LARP6: variants seen among roughly 807,000 people sequenced by gnomAD.
LARP6 encodes La ribonucleoprotein 6, translational regulator.
In LARP6, 18 loss-of-function variants were observed where a neutral mutation model predicts 32.8. That is an observed-to-expected ratio of 0.55 (90% confidence interval 0.38 to 0.81). The LOEUF is 0.81. Ranked by LOEUF, LARP6 falls within the 40% of genes least tolerant of loss-of-function variation. LARP6 has a pLI of 0.00. For synonymous variants in LARP6, 289 were observed against 267.2 expected (o/e 1.08, Z -0.80); for missense variants, 598 against 663.1 (o/e 0.90, Z 1.08).
rs906880550 is a variant in LARP6 at position 70,830,354 on chromosome 15, T to A, written c.*1698A>T. ...AGCTGCATGTGTGATACTGGCATAA[T>A]AATTCCTTATGATGGACACTGAGAG... On this transcript the variant is annotated 3_prime_UTR_variant, in exon 3 of 3. Transcript: ENST00000299213. The A allele has an allele frequency of 2.0e-5, 3 of 152,374 alleles. No homozygotes were observed. The highest frequency in any genetic ancestry group is 2.0e-4 in the Admixed American group (3 of 15,306). The allele number at this position is 152,374 out of a possible 1,614,324, so 9.4% of individuals were successfully genotyped here.
intron 1 of LARP6, among the ~76,000 whole-genome samples, chr15:70,837,672 T>A (rs1000429168): frequency 6.6e-6 from 1 of 152,034 alleles, no homozygotes; most frequent in African/African-American, 2.4e-5. Context: ...CTCTCAGGAG[T>A]CACTGCAGTG....
At chr15:70,843,894 A>C (rs910867170) in intron 1 of LARP6, among the ~76,000 whole-genome samples, 8 of 150,042 alleles carry the variant, frequency 5.3e-5, no homozygotes, top group African/African-American at 2.0e-4. Context: ...GAGCTCAGGC[A>C]ATCTGCCCAC....
At chr15:70,849,868 C>G (rs2032417315) in intron 1 of LARP6, 1 of 152,012 alleles carries the variant, frequency 6.6e-6, no homozygotes, top group Admixed American at 6.6e-5. Context: ...AATAATTAAG[C>G]ATTTTTTTGC....
intron 1 of LARP6, among the ~76,000 whole-genome samples, chr15:70,837,778 A>T (rs1261032325): frequency 6.6e-6 from 1 of 152,142 alleles, no homozygotes. Flanking sequence ...GTAATTTCCT[A>T]GGGCTGCCAG....
chr15:70,851,701 A>T, intron 1 of LARP6: 1 of 1,614,184 alleles, frequency 6.2e-7, no homozygotes, highest in Middle Eastern at 1.6e-4. Flanking sequence ...ATGGTCCTTG[A>T]ATTCACCGAG....
rs528594403 is a variant in LARP6, at chr15:70,831,309, G to C, written c.*743C>G. ...AAGGAGAGCCCTGGGGCTGCCCTGG[G>C]GTACAGTGAGAAACCCTAAATGCCC... is the stretch of plus-strand genomic sequence containing the variant. On this transcript the variant is annotated 3_prime_UTR_variant, in exon 3 of 3. Transcript: ENST00000299213. 2 of 152,116 alleles carry C rather than the reference G, an allele frequency of 1.3e-5. No homozygotes were observed. The highest frequency in any genetic ancestry group is 4.2e-4 in the South Asian group (2 of 4,812). 9.4% of individuals were successfully genotyped at this position (152,116 alleles called of 1,614,324 possible). A position where few individuals can be genotyped will look rare whatever the true frequency, so the allele number is the denominator to read the frequency against.
chr15:70,851,798 G>C (rs1385312631), intron 1 of LARP6: 15 of 1,593,874 alleles, frequency 9.4e-6, no homozygotes, highest in African/African-American at 1.3e-5. Context: ...TACAGCAACA[G>C]AGAAGAAAGG....
intron 1 of LARP6, among the ~76,000 whole-genome samples, chr15:70,847,371 ATT>A (rs893881453): frequency 2.8e-5 from 4 of 145,122 alleles, no homozygotes; most frequent in East Asian, 2.0e-4. Flanking sequence ...TCAGTGCTGA[ATT>A]TTTTTTTTTT....
chr15:70,841,053 A>C (rs973671397), intron 1 of LARP6, among the ~76,000 whole-genome samples: 1 of 151,834 alleles, frequency 6.6e-6, no homozygotes, highest in Non-Finnish European at 1.5e-5. Context: ...AGCTGGGATT[A>C]CAGGCGCCCG....
In LARP6 at chr15:70,839,499, T is replaced by A. The variant is rs538398346; in HGVS notation, c.201-2994A>T. On this transcript the variant is annotated intron_variant, in intron 1 of 2. Transcript: ENST00000299213. ...AGGGAGACTCAATTTTAAAGTTTTT[T>A]AAGTCTTGTTAAAATGGGATGATAA... is the stretch of plus-strand genomic sequence containing the variant. Among the ~76,000 whole-genome samples the A allele has an allele frequency of 1.1e-4, 17 of 152,224 alleles. No individual in the cohort carries two copies. In the East Asian group the frequency reaches 1.7e-3, roughly 16 times the overall value.
chr15:70,832,752 G>C lies in LARP6; in HGVS notation c.776C>G (p.Ala259Gly), dbSNP rs1482884805. Residue 259 changes from alanine (A) to glycine (G), a missense_variant, in exon 3 of 3, where the codon GCC (alanine) becomes GGC (glycine). Coordinates refer to ENST00000299213, the MANE Select transcript of LARP6 (RefSeq NM_018357.4). ...TTCCACCTCCTCGAACTCCACGATG[G>C]CGCACTCCTGGGTCCCCACTTGGCT... ...RYSQVGTQEC[A>G]IVEFEEVEAA... 1.3e-6 allele frequency: 2 copies of C among 1,598,768 alleles called. No individual in the cohort carries two copies. Among genetic ancestry groups the C allele is most frequent in the South Asian group, 2.3e-5 (2 of 88,038 alleles).
Position 70,853,967 on chromosome 15 carries a change from C to A in LARP6, c.122G>T (p.Arg41Leu). The change falls in exon 1 of 3, where the codon CGG (arginine) becomes CTG (leucine). Residue 41 changes from arginine to leucine, a missense_variant. Transcript: ENST00000299213. The stretch of plus-strand genomic sequence containing the variant: ...GTACCGGGCCGGGTCCCCGGCGCCC[C>A]GAGTCTCCGCCCCCTCCTCCTCGTC... The part of the protein sequence containing the change: ...LEDEEEGAET[R>L]GAGDPARYLS... The A allele has an allele frequency of 6.9e-7, 1 of 1,458,314 alleles. No individual in the cohort carries two copies. Among genetic ancestry groups the A allele is most frequent in the East Asian group, 3.1e-5 (1 of 32,648 alleles). 90.3% of individuals were successfully genotyped at this position (1,458,314 alleles called of 1,614,324 possible). A position where few individuals can be genotyped will look rare whatever the true frequency, so the allele number is the denominator to read the frequency against.
At position 70,832,233 on chromosome 15, in the gene LARP6, C is replaced by A. The variant is rs2032057118; in HGVS notation, c.1295G>T (p.Trp432Leu). Residue 432 changes from tryptophan (W) to leucine (L), a missense_variant, in exon 3 of 3, where the codon TGG becomes TTG. Trp to Leu is a moderately conservative substitution (Grantham distance 61, BLOSUM62 -2). This residue lies in a region of LARP6 where 368 missense variants were observed against 397.9 expected (regional missense o/e 0.92). Transcript: ENST00000299213. ...DSSVTPSGSP[W>L]VRRRRQAEMG... ...CTCGGCTTGGCGACGCCTCCGGACC[C>A]AGGGGCTGCCAGAGGGAGTGACGCT... 1 of 1,614,170 alleles carries A rather than the reference C, an allele frequency of 6.2e-7. No individual in the cohort carries two copies. The highest frequency in any genetic ancestry group is 2.2e-5 in the East Asian group (1 of 44,864).
Position 70,831,379 on chromosome 15 carries a change from T to C in LARP6, c.*673A>G, listed in dbSNP as rs918907860. ...TATAAACATGTAACAAAGTTTCTCA[T>C]GTAGCCCATAAATGTGTACAAATAA... On this transcript the variant is annotated 3_prime_UTR_variant, in exon 3 of 3. Coordinates refer to ENST00000299213, the MANE Select transcript of LARP6 (RefSeq NM_018357.4). 4 of 152,246 alleles carry C rather than the reference T, an allele frequency of 2.6e-5. No homozygotes were observed. The highest frequency in any genetic ancestry group is 9.6e-5 in the African/African-American group (4 of 41,476). 9.4% of individuals were successfully genotyped at this position (152,246 alleles called of 1,614,324 possible).
At chr15:70,841,538 G>A (rs2032258729) in intron 1 of LARP6, among the ~76,000 whole-genome samples, 1 of 152,178 alleles carries the variant, frequency 6.6e-6, no homozygotes, top group Admixed American at 6.5e-5. Flanking sequence ...AATCCCCAGT[G>A]TTGGAGGTGG....
rs761131976 is a variant in LARP6, at chr15:70,832,881, T to C, written c.647A>G (p.His216Arg). The change falls in exon 3 of 3, where the codon CAC (histidine) becomes CGC (arginine). Residue 216 changes from histidine (H) to arginine (R), a missense_variant. Physicochemically the swap from His to Arg is conservative, Grantham distance 29. Around this residue, in one of 3 missense-constraint regions of LARP6, gnomAD observed 368 missense variants for 397.9 expected, o/e 0.92. Coordinates refer to ENST00000299213, the MANE Select transcript of LARP6 (RefSeq NM_018357.4). Reference protein sequence around the residue: ...NGRVQEKVMEHLLKLFGTFGV... With the variant: ...NGRVQEKVMERLLKLFGTFGV... ...AAAAGTCCCAAAAAGCTTGAGCAGG[T>C]GTTCCATCACCTTCTCTTGCACCCT... 2.2e-5 allele frequency: 36 copies of C among 1,609,224 alleles called. No homozygotes were observed. The highest frequency in any genetic ancestry group is 1.7e-4 in the Middle Eastern group (1 of 6,044).
rs1386702649 is a variant in LARP6, at chr15:70,831,554, G to A, written c.*498C>T. 2.0e-5 allele frequency: 3 copies of A among 152,194 alleles called. No homozygotes were observed. Among genetic ancestry groups the A allele is most frequent in the African/African-American group, 7.2e-5 (3 of 41,420 alleles). The allele number at this position is 152,194 out of a possible 1,614,324, so 9.4% of individuals were successfully genotyped here. Reference sequence around the variant, plus strand: ...CCTCAAAGTCAGCACTCCCAGTTGGGTGTTTTATTATTTATTTACTTGACA... The same window carrying A: ...CCTCAAAGTCAGCACTCCCAGTTGGATGTTTTATTATTTATTTACTTGACA... On this transcript the variant is annotated 3_prime_UTR_variant, in exon 3 of 3. Transcript: ENST00000299213.
chr15:70,852,405 T>C (rs1050319428), intron 1 of LARP6: 18 of 364,744 alleles, frequency 4.9e-5, no homozygotes, highest in African/African-American at 3.0e-4. Flanking sequence ...TAGACCTCCA[T>C]AGGGGATCTT....
chr15:70,851,049 T>C (rs74957043), intron 1 of LARP6, among the ~76,000 whole-genome samples: 6 of 152,144 alleles, frequency 3.9e-5, no homozygotes, highest in African/African-American at 1.4e-4. Context: ...GTGGCACAAT[T>C]TGGGGAATCT....
Sources: gnomAD v4.1 joint callset for allele counts (sites outside exome capture counted in the v4.1 genomes callset) on GRCh38, gnomAD v4.1.1 for gene constraint, gnomAD v4.1.1 regional missense constraint, MANE v1.5 for transcripts, NCBI Gene and HGNC (gene_info 2026-07-23, HGNC 2026-07-21) for gene names.